PTPRD: variants seen among roughly 807,000 people sequenced by gnomAD.
PTPRD encodes the protein receptor-type tyrosine-protein phosphatase delta.
A neutral mutation model predicts 214.5 loss-of-function variants in PTPRD; 34 were observed. The ratio of observed to expected loss-of-function variants is 0.16; its 90% CI spans 0.12 to 0.21. PTPRD has a LOEUF of 0.21. PTPRD is among the 10% of genes least tolerant of loss of function. The pLI is 1.00. For missense variants in PTPRD, 2,545 were observed against 2,398.7 expected, an observed-to-expected ratio of 1.06 and a Z score of -1.27; for synonymous variants, 1,128 against 845.7, an observed-to-expected ratio of 1.33 and a Z score of -5.79.
chr9:10,350,635 G>C (rs923896142), intron 2 of PTPRD, among the ~76,000 whole-genome samples: 1 of 152,050 alleles, frequency 6.6e-6, no homozygotes. Flanking sequence ...TCAGGATCTT[G>C]GTTAGTGGTC....
chr9:8,792,683 C>G (rs2154513060), intron 11 of PTPRD, among the ~76,000 whole-genome samples: 1 of 152,236 alleles, frequency 6.6e-6, no homozygotes, highest in East Asian at 1.9e-4. Flanking sequence ...TATATTTAAG[C>G]ACACATTTTG....
intron 3 of PTPRD, among the ~76,000 whole-genome samples, chr9:10,121,509 T>A (rs1024497902): frequency 6.6e-6 from 1 of 152,164 alleles, no homozygotes; most frequent in African/African-American, 2.4e-5. Context: ...ACGAGCAATA[T>A]AACGTCAACA....
chr9:8,888,353 TG>T (rs1161420673), intron 11 of PTPRD, among the ~76,000 whole-genome samples: 5 of 152,206 alleles, frequency 3.3e-5, no homozygotes, highest in African/African-American at 1.2e-4. Flanking sequence ...TGATATAATC[TG>T]GATACTTGAA....
At chr9:9,282,279 T>G (rs575704998) in intron 9 of PTPRD, among the ~76,000 whole-genome samples, 1 of 151,310 alleles carries the variant, frequency 6.6e-6, no homozygotes, top group East Asian at 2.0e-4. Flanking sequence ...AATGTACCAT[T>G]CTGTTGGGGG....
chr9:10,284,490 C>G (rs773548354), intron 3 of PTPRD, among the ~76,000 whole-genome samples: 1 of 152,084 alleles, frequency 6.6e-6, no homozygotes, highest in Non-Finnish European at 1.5e-5. Flanking sequence ...AACATTCTAT[C>G]TTTTTTCTGT....
chr9:9,760,802 A>G (rs994934837), intron 6 of PTPRD, among the ~76,000 whole-genome samples: 11 of 152,322 alleles, frequency 7.2e-5, no homozygotes, highest in Non-Finnish European at 1.3e-4. Flanking sequence ...GACGTTCAAC[A>G]TCAATAGCCA....
chr9:10,429,571 A>G (rs999046109), intron 2 of PTPRD, among the ~76,000 whole-genome samples: 5 of 151,954 alleles, frequency 3.3e-5, no homozygotes, highest in Admixed American at 6.6e-5. Flanking sequence ...GAAACAAGCC[A>G]GGCCCAGAAA....
At chr9:9,953,131 C>CA (rs1210102016) in intron 4 of PTPRD, among the ~76,000 whole-genome samples, 1 of 152,066 alleles carries the variant, frequency 6.6e-6, no homozygotes, top group East Asian at 1.9e-4. Context: ...CATACAGAAC[C>CA]AAAATGGATG....
chr9:10,374,079 TAGTTATGTATA>T (rs1253580615), intron 2 of PTPRD, among the ~76,000 whole-genome samples: 2 of 152,038 alleles, frequency 1.3e-5, no homozygotes, highest in East Asian at 1.9e-4. Flanking sequence ...ATAGATAAAG[TAGTTATGTATA>T]AGTTATGTAT....
chr9:9,554,425 C>A (rs547534089), intron 8 of PTPRD, among the ~76,000 whole-genome samples: 2 of 150,966 alleles, frequency 1.3e-5, no homozygotes, highest in African/African-American at 4.9e-5. Context: ...TTTCTTTGAT[C>A]CTACTCTTGT....
intron 7 of PTPRD, among the ~76,000 whole-genome samples, chr9:9,628,974 C>T (rs1222321737): frequency 1.3e-5 from 2 of 151,776 alleles, no homozygotes; most frequent in African/African-American, 4.8e-5. Context: ...GAGTTTGAGA[C>T]CAGCCTGACC....
intron 10 of PTPRD, among the ~76,000 whole-genome samples, chr9:9,108,223 A>C (rs1293352813): frequency 6.6e-6 from 1 of 152,104 alleles, no homozygotes; most frequent in Non-Finnish European, 1.5e-5. Context: ...CTCTCCCCAG[A>C]ATGGCATTTC....
At chr9:10,407,685 A>G (rs949524429) in intron 2 of PTPRD, among the ~76,000 whole-genome samples, 1 of 151,524 alleles carries the variant, frequency 6.6e-6, no homozygotes, top group Non-Finnish European at 1.5e-5. Flanking sequence ...CTATATCAGT[A>G]TGTTTAAATT....
chr9:9,808,001 T>C (rs370338031), intron 5 of PTPRD, among the ~76,000 whole-genome samples: 6 of 152,310 alleles, frequency 3.9e-5, no homozygotes, highest in African/African-American at 1.2e-4. Context: ...GTGCTGATGG[T>C]GAGCTGTCCC....
chr9:10,277,930 G>A (rs1005467228), intron 3 of PTPRD, among the ~76,000 whole-genome samples: 6 of 152,196 alleles, frequency 3.9e-5, no homozygotes, highest in East Asian at 1.9e-4. Flanking sequence ...AGGGTGAGGC[G>A]GGCGGATCAT....
intron 5 of PTPRD, among the ~76,000 whole-genome samples, chr9:9,906,691 T>C (rs1011541750): frequency 4.6e-5 from 7 of 152,006 alleles, no homozygotes; most frequent in Non-Finnish European, 1.0e-4. Context: ...ATGTATTATA[T>C]GTAGACAATT....
At chr9:9,228,939 C>A (rs1003640435) in intron 9 of PTPRD, among the ~76,000 whole-genome samples, 2 of 151,798 alleles carry the variant, frequency 1.3e-5, no homozygotes, top group Non-Finnish European at 2.9e-5. Flanking sequence ...TACATTACCA[C>A]AAATGTTTTT....
intron 10 of PTPRD, among the ~76,000 whole-genome samples, chr9:9,087,392 C>T (rs910629468): frequency 5.9e-5 from 9 of 151,852 alleles, no homozygotes; most frequent in Non-Finnish European, 1.2e-4. Context: ...AGTGGTTTAC[C>T]GATAAGTTCA....
chr9:9,484,641 G>C (rs1274068461), intron 8 of PTPRD, among the ~76,000 whole-genome samples: 1 of 152,000 alleles, frequency 6.6e-6, no homozygotes, highest in Non-Finnish European at 1.5e-5. Flanking sequence ...TTTAATCCTT[G>C]CAACAACTCT....
Sources: gnomAD v4.1 joint callset for allele counts (sites outside exome capture counted in the v4.1 genomes callset) on GRCh38, gnomAD v4.1.1 for gene constraint, MANE v1.5 for transcripts, NCBI Gene and HGNC (gene_info 2026-07-23, HGNC 2026-07-21) for gene names.